ZFHX3: variants seen among roughly 807,000 people sequenced by gnomAD.
The protein encoded by ZFHX3 is zinc finger homeobox protein 3.
In ZFHX3, 42 loss-of-function variants were observed where a neutral mutation model predicts 279.1. That is an observed-to-expected ratio of 0.15 (90% confidence interval 0.12 to 0.19). The LOEUF (loss-of-function observed/expected upper bound fraction) is 0.19. ZFHX3 is among the 10% of genes least tolerant of loss of function. The pLI is 1.00. For missense variants in ZFHX3, 4,981 were observed against 4,754.0 expected, an observed-to-expected ratio of 1.05 and a Z score of -1.40; for synonymous variants, 2,293 against 1,957.8, an observed-to-expected ratio of 1.17 and a Z score of -4.52.
At chr16:73,571,634 A>T (rs1475993694) in intron 2 of ZFHX3, among the ~76,000 whole-genome samples, 5 of 95,274 alleles carry the variant, frequency 5.2e-5, no homozygotes, top group Non-Finnish European at 8.8e-5. Flanking sequence ...ATTAAAATAG[A>T]ATTAATTTTT....
At chr16:72,834,411 A>G (rs554166271) in intron 4 of ZFHX3, among the ~76,000 whole-genome samples, 2 of 152,354 alleles carry the variant, frequency 1.3e-5, no homozygotes, top group South Asian at 4.1e-4. Flanking sequence ...CAGCAGATAA[A>G]TACCTTCTAA....
chr16:73,443,012 G>T (rs918344432), intron 3 of ZFHX3, among the ~76,000 whole-genome samples: 6 of 152,084 alleles, frequency 3.9e-5, no homozygotes, highest in Admixed American at 2.0e-4. Context: ...TTGGATTAGG[G>T]CCCACCCTAA....
intron 4 of ZFHX3, among the ~76,000 whole-genome samples, chr16:72,844,197 A>G: frequency 6.6e-6 from 1 of 152,236 alleles, no homozygotes; most frequent in Non-Finnish European, 1.5e-5. Flanking sequence ...TCCCAGCCAC[A>G]GAGAACTAGC....
intron 4 of ZFHX3, among the ~76,000 whole-genome samples, chr16:73,317,343 T>C (rs2015474464): frequency 6.6e-6 from 1 of 152,144 alleles, no homozygotes; most frequent in Non-Finnish European, 1.5e-5. Context: ...AATCTTGCTT[T>C]CTTCCCACTT....
intron 2 of ZFHX3, among the ~76,000 whole-genome samples, chr16:73,487,215 T>C (rs1291982932): frequency 6.6e-6 from 1 of 152,116 alleles, no homozygotes; most frequent in Non-Finnish European, 1.5e-5. Context: ...CATAAAAAAT[T>C]AAGCTCGGAT....
intron 2 of ZFHX3, among the ~76,000 whole-genome samples, chr16:72,954,655 C>T (rs371680942): frequency 6.6e-6 from 1 of 152,164 alleles, no homozygotes; most frequent in African/African-American, 2.4e-5. Flanking sequence ...GACAAGCAAC[C>T]CCTTTCTTGG....
At chr16:73,555,387 C>T (rs1045023857) in intron 2 of ZFHX3, among the ~76,000 whole-genome samples, 1 of 152,010 alleles carries the variant, frequency 6.6e-6, no homozygotes, top group Non-Finnish European at 1.5e-5. Context: ...ATATCTTGAC[C>T]TCGTGATCCG....
chr16:73,512,693 T>C (rs1239355056), intron 2 of ZFHX3, among the ~76,000 whole-genome samples: 1 of 152,178 alleles, frequency 6.6e-6, no homozygotes, highest in Admixed American at 6.5e-5. Flanking sequence ...GGGCTAGATC[T>C]TAAAAGCTTG....
At chr16:73,247,609 T>G (rs867182061) in intron 5 of ZFHX3, among the ~76,000 whole-genome samples, 8 of 151,824 alleles carry the variant, frequency 5.3e-5, no homozygotes, top group African/African-American at 1.9e-4. Context: ...TCTGTGTATA[T>G]GTACCTGTAT....
chr16:73,310,054 G>A (rs2143161258), intron 4 of ZFHX3, among the ~76,000 whole-genome samples: 1 of 151,998 alleles, frequency 6.6e-6, no homozygotes, highest in Admixed American at 6.6e-5. Context: ...GATTACAGGT[G>A]CCCACCACCA....
Position 72,960,160 on chromosome 16 carries a change from G to T in ZFHX3, c.-15C>A. The T allele has an allele frequency of 1.9e-6, 3 of 1,547,064 alleles. No homozygotes were observed. Among genetic ancestry groups the T allele is most frequent in the Non-Finnish European group, 2.6e-6 (3 of 1,144,760 alleles). Reference sequence around the variant, plus strand: ...CAGCCTTCCATGGTAAGGCCTGCGTGGAGCTTTCATTGCACCCAGTACGGA... The same window carrying T: ...CAGCCTTCCATGGTAAGGCCTGCGTTGAGCTTTCATTGCACCCAGTACGGA... On this transcript the variant is annotated 5_prime_UTR_variant, in exon 2 of 10. Transcript: ENST00000268489.
At chr16:73,761,763 G>C (rs927417096) in intron 1 of ZFHX3, among the ~76,000 whole-genome samples, 1 of 152,084 alleles carries the variant, frequency 6.6e-6, no homozygotes, top group African/African-American at 2.4e-5. Context: ...AATGGTGCTG[G>C]GATAACTGGT....
At chr16:72,860,354 G>A (rs750124459) in intron 4 of ZFHX3, among the ~76,000 whole-genome samples, 8 of 152,090 alleles carry the variant, frequency 5.3e-5, no homozygotes, top group Non-Finnish European at 1.2e-4. Context: ...AAGCCTGCCC[G>A]CTTTCCCCCC....
At chr16:73,581,305 T>C (rs1567524495) in intron 2 of ZFHX3, among the ~76,000 whole-genome samples, 1 of 151,848 alleles carries the variant, frequency 6.6e-6, no homozygotes, top group Non-Finnish European at 1.5e-5. Context: ...TCATATGAAA[T>C]ATATTAATTC....
intron 2 of ZFHX3, among the ~76,000 whole-genome samples, chr16:73,543,097 G>C (rs144961494): frequency 1.1e-4 from 17 of 152,228 alleles, no homozygotes; most frequent in Non-Finnish European, 1.8e-4. Context: ...GGCTCGGCTC[G>C]GGCAGGTATG....
intron 3 of ZFHX3, among the ~76,000 whole-genome samples, chr16:73,428,058 TA>T (rs1277144284): frequency 6.6e-6 from 1 of 152,012 alleles, no homozygotes; most frequent in Non-Finnish European, 1.5e-5. Context: ...GACACACACA[TA>T]TTATTTGGGA....
intron 1 of ZFHX3, among the ~76,000 whole-genome samples, chr16:73,837,577 A>C (rs1486715125): frequency 6.6e-6 from 1 of 152,226 alleles, no homozygotes; most frequent in African/African-American, 2.4e-5. Context: ...TTGGAAGCAC[A>C]CACACACTGG....
rs112083025 is a variant in ZFHX3, at chr16:73,250,832, G to T, written c.-1104+6215C>A. 3.1e-3 allele frequency among the ~76,000 whole-genome samples: 474 copies of T among 152,204 alleles called. 6 individuals are homozygous for T. Among genetic ancestry groups the T allele is most frequent in the Admixed American group, 4.3e-3 (66 of 15,272 alleles). Reference sequence around the variant, plus strand: ...TACAAGTGTGAGCCTTTAAGCCACCGTGCCCAGCTACCCTCATTTTAATAT... The same window carrying T: ...TACAAGTGTGAGCCTTTAAGCCACCTTGCCCAGCTACCCTCATTTTAATAT... On this transcript the variant is annotated intron_variant, in intron 5 of 17. Transcript: ENST00000641206.
intron 2 of ZFHX3, among the ~76,000 whole-genome samples, chr16:73,579,204 T>C (rs959412581): frequency 6.6e-6 from 1 of 152,184 alleles, no homozygotes; most frequent in Non-Finnish European, 1.5e-5. Context: ...AGTCCACCTA[T>C]GACTTGGAAG....
Sources: gnomAD v4.1 joint callset for allele counts (sites outside exome capture counted in the v4.1 genomes callset) on GRCh38, gnomAD v4.1.1 for gene constraint, MANE v1.5 for transcripts, NCBI Gene and HGNC (gene_info 2026-07-23, HGNC 2026-07-21) for gene names.